The following GRID2 variants were observed in gnomAD, a reference collection of about 807,000 sequenced individuals.
The protein encoded by GRID2 is glutamate ionotropic receptor delta type subunit 2.
GRID2 carries 33 observed loss-of-function variants against 114.8 expected under a neutral mutation model. That is an observed-to-expected ratio of 0.29 (90% confidence interval 0.22 to 0.38). GRID2 has a LOEUF of 0.38. GRID2 is among the 10% of genes least tolerant of loss of function. GRID2 has a pLI of 1.00. For missense variants in GRID2, 1,184 were observed against 1,257.7 expected, an observed-to-expected ratio of 0.94 and a Z score of 0.89; for synonymous variants, 505 against 449.9, an observed-to-expected ratio of 1.12 and a Z score of -1.55.
intron 1 of GRID2, among the ~76,000 whole-genome samples, chr4:92,533,197 T>G (rs1348643472): frequency 6.6e-6 from 1 of 151,748 alleles, no homozygotes; most frequent in African/African-American, 2.4e-5. Flanking sequence ...TTTTTGTTTT[T>G]TTTGTTTTTT....
intron 1 of GRID2, among the ~76,000 whole-genome samples, chr4:92,482,417 C>A (rs1219542835): frequency 6.6e-6 from 1 of 151,796 alleles, no homozygotes; most frequent in Admixed American, 6.6e-5. Context: ...TGTAACAAAC[C>A]TTCACCTGTA....
chr4:92,431,847 T>A (rs1579348037), intron 1 of GRID2, among the ~76,000 whole-genome samples: 1 of 152,244 alleles, frequency 6.6e-6, no homozygotes, highest in South Asian at 2.1e-4. Context: ...TCACAGTTTA[T>A]GCTTGTTTGT....
intron 10 of GRID2, among the ~76,000 whole-genome samples, chr4:93,427,088 G>A (rs940620118): frequency 2.0e-5 from 3 of 151,942 alleles, no homozygotes; most frequent in South Asian, 4.1e-4. Context: ...CAAGTTAAGG[G>A]TACACAACAT....
intron 2 of GRID2, among the ~76,000 whole-genome samples, chr4:92,781,332 A>C (rs919968539): frequency 1.3e-5 from 2 of 152,134 alleles, no homozygotes; most frequent in African/African-American, 2.4e-5. Context: ...CTAGGCTTTA[A>C]TTACTATGTA....
intron 2 of GRID2, among the ~76,000 whole-genome samples, chr4:92,827,839 A>G (rs1741833724): frequency 6.6e-6 from 1 of 152,104 alleles, no homozygotes; most frequent in Non-Finnish European, 1.5e-5. Flanking sequence ...AGCTTGTTAT[A>G]TTGCTGACAG....
intron 3 of GRID2, among the ~76,000 whole-genome samples, chr4:93,085,922 TA>T: frequency 6.6e-6 from 1 of 152,196 alleles, no homozygotes; most frequent in African/African-American, 2.4e-5. Context: ...AATTTGAGAA[TA>T]AAATGCTTTG....
At chr4:93,720,695 T>G (rs1729289852) in intron 14 of GRID2, among the ~76,000 whole-genome samples, 1 of 152,172 alleles carries the variant, frequency 6.6e-6, no homozygotes, top group South Asian at 2.1e-4. Flanking sequence ...TCAGCAAACA[T>G]GAACTTTCTT....
chr4:92,795,735 A>G (rs896370581), intron 2 of GRID2, among the ~76,000 whole-genome samples: 6 of 151,974 alleles, frequency 3.9e-5, no homozygotes, highest in South Asian at 2.1e-4. Context: ...CAGATTGTCT[A>G]TTGTTAATTT....
chr4:92,673,984 A>T (rs191153263), intron 2 of GRID2, among the ~76,000 whole-genome samples: 174 of 150,304 alleles, frequency 1.2e-3, no homozygotes, highest in African/African-American at 3.8e-3. Flanking sequence ...TAAAAATAAA[A>T]AATAAATAAA....
intron 2 of GRID2, among the ~76,000 whole-genome samples, chr4:92,901,986 A>G (rs1476314146): frequency 6.6e-6 from 1 of 152,052 alleles, no homozygotes; most frequent in Non-Finnish European, 1.5e-5. Context: ...GTATGAATCC[A>G]TCTGTTCCTG....
chr4:92,594,060 C>T (rs1728835154), intron 2 of GRID2, among the ~76,000 whole-genome samples: 1 of 151,374 alleles, frequency 6.6e-6, no homozygotes, highest in South Asian at 2.1e-4. Flanking sequence ...AAATAATTTT[C>T]CCTAGTTCTT....
chr4:92,664,847 C>T (rs962983124), intron 2 of GRID2, among the ~76,000 whole-genome samples: 14 of 150,922 alleles, frequency 9.3e-5, no homozygotes, highest in African/African-American at 3.4e-4. Context: ...ATAGTTACTC[C>T]TGATCTCTTT....
At chr4:93,376,891 G>A (rs1402167785) in intron 8 of GRID2, among the ~76,000 whole-genome samples, 1 of 152,132 alleles carries the variant, frequency 6.6e-6, no homozygotes, top group African/African-American at 2.4e-5. Context: ...CCTGGGTGAT[G>A]GGTTGATAAG....
chr4:93,761,892 G>T (rs1733243526), intron 14 of GRID2, among the ~76,000 whole-genome samples: 1 of 152,128 alleles, frequency 6.6e-6, no homozygotes, highest in African/African-American at 2.4e-5. Flanking sequence ...TGATAGAATT[G>T]ATTTTTACAA....
chr4:93,495,395 G>A (rs1727431020), intron 12 of GRID2, among the ~76,000 whole-genome samples: 1 of 151,782 alleles, frequency 6.6e-6, no homozygotes, highest in Non-Finnish European at 1.5e-5. Context: ...GTTCACAGGT[G>A]AGTATGATCT....
chr4:92,807,325 A>G (rs1740468252), intron 2 of GRID2, among the ~76,000 whole-genome samples: 1 of 151,962 alleles, frequency 6.6e-6, no homozygotes, highest in South Asian at 2.1e-4. Context: ...GAGGACTCAT[A>G]AAAAATAAAA....
intron 1 of GRID2, among the ~76,000 whole-genome samples, chr4:92,362,412 A>G (rs1728658620): frequency 6.6e-6 from 1 of 152,030 alleles, no homozygotes; most frequent in African/African-American, 2.4e-5. Context: ...GGCTTAAAAC[A>G]AGCTCTGTTT....
Position 93,103,958 on chromosome 4 carries a change from G to C in GRID2, c.530-6790G>C, listed in dbSNP as rs145653576. Among the ~76,000 whole-genome samples, 468 of 151,386 alleles carry C rather than the reference G, an allele frequency of 3.1e-3. 3 individuals are homozygous for C. The highest frequency in any genetic ancestry group is 0.017 in the Middle Eastern group (5 of 292). On this transcript the variant is annotated intron_variant, in intron 3 of 15. Coordinates refer to ENST00000282020, the MANE Select transcript of GRID2 (RefSeq NM_001510.4). ...TCAGCTTTTACTTTAGGTACAAGGG[G>C]AGTGTGTGTAGGTATGTTACATGGG...
intron 1 of GRID2, among the ~76,000 whole-genome samples, chr4:92,560,565 C>A (rs1279629579): frequency 2.0e-5 from 3 of 152,156 alleles, no homozygotes; most frequent in Non-Finnish European, 4.4e-5. Flanking sequence ...CAATGTTTCA[C>A]AAAGGTGCAT....
Sources: gnomAD v4.1 joint callset for allele counts (sites outside exome capture counted in the v4.1 genomes callset) on GRCh38, gnomAD v4.1.1 for gene constraint, MANE v1.5 for transcripts, NCBI Gene and HGNC (gene_info 2026-07-23, HGNC 2026-07-21) for gene names.